Variants in RAD51B observed in about 807,000 individuals in gnomAD.
The protein encoded by RAD51B is RAD51 paralog B, also known as DNA repair protein RAD51 homolog 2.
RAD51B carries 38 observed loss-of-function variants against 42.2 expected under a neutral mutation model. The observed-to-expected ratio is 0.90, with a 90% CI of 0.70 to 1.18. The LOEUF (loss-of-function observed/expected upper bound fraction) is 1.18, where lower values mean the gene tolerates loss of function less well. Ranked by LOEUF, RAD51B falls within the 50% of genes most tolerant of loss-of-function variation. RAD51B has a pLI of 0.00. For missense variants in RAD51B, 373 were observed against 400.7 expected (o/e 0.93, Z 0.59); for synonymous variants, 154 against 145.2 (o/e 1.06, Z -0.43).
intron 11 of RAD51B, among the ~76,000 whole-genome samples, chr14:68,658,200 T>A (rs1001580713): frequency 6.6e-6 from 1 of 152,220 alleles, no homozygotes; most frequent in African/African-American, 2.4e-5. Flanking sequence ...AGCTGCTCTC[T>A]GAGGACAGCC....
At chr14:68,046,852 T>G (rs2076308365) in intron 7 of RAD51B, among the ~76,000 whole-genome samples, 1 of 152,206 alleles carries the variant, frequency 6.6e-6, no homozygotes, top group African/African-American at 2.4e-5. Context: ...GCTCATTGGA[T>G]GAAGGATATT....
intron 10 of RAD51B, among the ~76,000 whole-genome samples, chr14:68,514,475 G>T (rs186877836): frequency 8.9e-4 from 135 of 152,260 alleles, no homozygotes; most frequent in African/African-American, 3.2e-3. Context: ...CTGCTCTGAC[G>T]CTCTGAAAGA....
In RAD51B at chr14:68,388,091, TA is replaced by T. The variant is rs1409476309; in HGVS notation, c.854-23332del. Among the ~76,000 whole-genome samples, 779 of 138,738 alleles carry T rather than the reference TA, an allele frequency of 5.6e-3. 5 individuals are homozygous for T. Among genetic ancestry groups the T allele is most frequent in the African/African-American group, 0.021 (717 of 34,538 alleles). 91.0% of individuals were successfully genotyped at this position (138,738 alleles called of 152,430 possible). On this transcript the variant is annotated intron_variant, in intron 8 of 10. Transcript: ENST00000471583. ...GTGTGTGTGTGTGTATATATATATATATATTTTTTTTTTTTTTTAATTGAGG... is the reference window on the plus strand; with the variant it reads ...GTGTGTGTGTGTGTATATATATATATTATTTTTTTTTTTTTTTAATTGAGG...
rs1469154653 is a variant in RAD51B, at chr14:68,004,318, G to T, written c.756+117114G>T. On this transcript the variant is annotated intron_variant, in intron 7 of 10. Transcript: ENST00000471583. ...ACTGCACTCCAGCCTGGGCAACACAGCAAGACTCCGTCTCAAAAAAAAAAA... is the reference window on the plus strand; with the variant it reads ...ACTGCACTCCAGCCTGGGCAACACATCAAGACTCCGTCTCAAAAAAAAAAA... Among the ~76,000 whole-genome samples the T allele has an allele frequency of 8.1e-5, 10 of 123,738 alleles. No individual in the cohort carries two copies. The South Asian group carries it at 2.7e-3, about 33-fold the overall frequency. 81.2% of individuals were successfully genotyped at this position (123,738 alleles called of 152,430 possible). A position where few individuals can be genotyped will look rare whatever the true frequency, so the allele number is the denominator to read the frequency against.
intron 10 of RAD51B, among the ~76,000 whole-genome samples, chr14:68,591,038 G>A (rs1429370327): frequency 6.6e-6 from 1 of 152,172 alleles, no homozygotes; most frequent in East Asian, 1.9e-4. Flanking sequence ...TTGGCCTTGT[G>A]CATCTCACTA....
chr14:68,540,610 C>G, intron 10 of RAD51B: 1 of 985,032 alleles, frequency 1.0e-6, no homozygotes, highest in Middle Eastern at 5.2e-4. Context: ...TATAATGACA[C>G]CCCCCAACCC....
intron 8 of RAD51B, among the ~76,000 whole-genome samples, chr14:68,295,789 C>T (rs1414357965): frequency 2.0e-5 from 3 of 152,288 alleles, no homozygotes; most frequent in Non-Finnish European, 4.4e-5. Flanking sequence ...TGCTTGTTCT[C>T]ACCTCACAAC....
At chr14:68,408,361 T>C (rs1011443857) in intron 8 of RAD51B, among the ~76,000 whole-genome samples, 1 of 152,172 alleles carries the variant, frequency 6.6e-6, no homozygotes, top group African/African-American at 2.4e-5. Context: ...TGGGAAAATA[T>C]GAGCTTGCTT....
At chr14:67,835,546 C>CAT (rs112196260) in intron 4 of RAD51B, among the ~76,000 whole-genome samples, 56,330 of 151,172 alleles carry the variant, frequency 0.37, 11,213 homozygotes, top group African/African-American at 0.5. Flanking sequence ...TATGTACACA[C>CAT]GTCACATATA....
chr14:68,036,633 A>C (rs983778398), intron 7 of RAD51B, among the ~76,000 whole-genome samples: 1 of 152,166 alleles, frequency 6.6e-6, no homozygotes, highest in Non-Finnish European at 1.5e-5. Flanking sequence ...TTTGGGGGAA[A>C]TTATTATTTT....
chr14:68,548,647 T>C (rs61985777), intron 10 of RAD51B, among the ~76,000 whole-genome samples: 9,542 of 152,266 alleles, frequency 0.063, 318 homozygotes, highest in African/African-American at 0.079. Context: ...GTCTGTGCGT[T>C]CTGGGCCTGA....
chr14:67,914,977 G>C (rs2044102981), intron 7 of RAD51B, among the ~76,000 whole-genome samples: 1 of 152,144 alleles, frequency 6.6e-6, no homozygotes, highest in African/African-American at 2.4e-5. Context: ...AAAAGAAATA[G>C]GGTATATCAA....
At chr14:68,509,840 C>T (rs368732063) in intron 10 of RAD51B, among the ~76,000 whole-genome samples, 3 of 152,340 alleles carry the variant, frequency 2.0e-5, no homozygotes, top group South Asian at 2.1e-4. Flanking sequence ...TTATTTACAT[C>T]GGGCTGCAGG....
At chr14:68,103,761 C>T (rs949538984) in intron 7 of RAD51B, among the ~76,000 whole-genome samples, 1 of 152,072 alleles carries the variant, frequency 6.6e-6, no homozygotes, top group Non-Finnish European at 1.5e-5. Flanking sequence ...CAGACCACTT[C>T]AGATAAGGAG....
At chr14:68,576,989 TC>T (rs1269115242) in intron 10 of RAD51B, among the ~76,000 whole-genome samples, 5 of 152,198 alleles carry the variant, frequency 3.3e-5, no homozygotes, top group Non-Finnish European at 7.4e-5. Flanking sequence ...TTGCTGAGAT[TC>T]CCTGGAAAGC....
intron 4 of RAD51B, among the ~76,000 whole-genome samples, chr14:67,839,538 A>G (rs55854324): frequency 0.13 from 20,049 of 151,742 alleles, 1,769 homozygotes; most frequent in Non-Finnish European, 0.2. Context: ...CATTTCTGAT[A>G]TTACTTACTT....
chr14:68,473,940 A>C (rs1048973216), intron 10 of RAD51B, among the ~76,000 whole-genome samples: 1 of 152,186 alleles, frequency 6.6e-6, no homozygotes, highest in Non-Finnish European at 1.5e-5. Flanking sequence ...TAAATGATTT[A>C]TTGTACACGA....
At chr14:68,096,873 CTTTCT>C (rs2077205215) in intron 7 of RAD51B, among the ~76,000 whole-genome samples, 1 of 152,136 alleles carries the variant, frequency 6.6e-6, no homozygotes, top group Admixed American at 6.5e-5. Context: ...TTGATTTCAT[CTTTCT>C]TAATTATTTA....
At chr14:68,259,012 G>A (rs79664168) in intron 7 of RAD51B, among the ~76,000 whole-genome samples, 1,793 of 152,224 alleles carry the variant, frequency 0.012, 35 homozygotes, top group African/African-American at 0.039. Context: ...CTAGAATTAA[G>A]CAACTGAGTC....
Sources: allele counts gnomAD v4.1 joint callset (sites outside exome capture counted in the v4.1 genomes callset), GRCh38; gene constraint gnomAD v4.1.1; transcripts MANE v1.5; gene names NCBI Gene and HGNC (gene_info 2026-07-23, HGNC 2026-07-21).